The following RALYL variants were observed in gnomAD, a reference collection of about 807,000 sequenced individuals.
The protein encoded by RALYL is RALY RNA binding protein like, also known as RNA-binding Raly-like protein.
Under a neutral mutation model 35.1 loss-of-function variants are expected in RALYL, and 29 were observed. That is an observed-to-expected ratio of 0.83 (90% CI 0.61 to 1.13). The LOEUF is 1.13. RALYL is among the 50% of genes most tolerant of loss of function. The pLI is 0.00. For synonymous variants in RALYL, 120 were observed against 127.6 expected, an observed-to-expected ratio of 0.94 and a Z score of 0.40; for missense variants, 359 against 360.4, an observed-to-expected ratio of 1.00 and a Z score of 0.03.
At chr8:84,889,269 A>G (rs943264916) in intron 8 of RALYL, among the ~76,000 whole-genome samples, 1 of 152,052 alleles carries the variant, frequency 6.6e-6, no homozygotes, top group South Asian at 2.1e-4. Context: ...GATTTCTTCA[A>G]CTCATTCTAA....
chr8:84,440,005 G>T (rs1474486557), intron 1 of RALYL, among the ~76,000 whole-genome samples: 1 of 152,026 alleles, frequency 6.6e-6, no homozygotes, highest in Non-Finnish European at 1.5e-5. Flanking sequence ...AGTCAGAATT[G>T]TAGTATAATA....
chr8:84,669,791 A>T (rs954501776), intron 2 of RALYL, among the ~76,000 whole-genome samples: 1 of 152,236 alleles, frequency 6.6e-6, no homozygotes. Context: ...CCTGCCCTAG[A>T]TTCATACCAT....
intron 2 of RALYL, among the ~76,000 whole-genome samples, chr8:84,615,171 T>C (rs1257634947): frequency 1.3e-5 from 2 of 151,780 alleles, no homozygotes; most frequent in Non-Finnish European, 2.9e-5. Flanking sequence ...CGGAAATATT[T>C]CTAAAATGAA....
intron 2 of RALYL, among the ~76,000 whole-genome samples, chr8:84,547,048 G>A (rs2060407853): frequency 2.0e-5 from 3 of 152,020 alleles, no homozygotes; most frequent in African/African-American, 7.3e-5. Context: ...GTGGGTTGCT[G>A]CACCCATTAA....
intron 2 of RALYL, among the ~76,000 whole-genome samples, chr8:84,538,740 G>T (rs1319320640): frequency 6.6e-6 from 1 of 152,044 alleles, no homozygotes; most frequent in Non-Finnish European, 1.5e-5. Flanking sequence ...TACCATAAAA[G>T]GATGAAGTAT....
intron 2 of RALYL, among the ~76,000 whole-genome samples, chr8:84,557,082 T>G (rs1263024215): frequency 6.6e-6 from 1 of 152,206 alleles, no homozygotes; most frequent in Non-Finnish European, 1.5e-5. Flanking sequence ...TGTCACAGTT[T>G]TCTTCTACTG....
At chr8:84,629,875 A>G (rs1420618651) in intron 2 of RALYL, among the ~76,000 whole-genome samples, 1 of 152,164 alleles carries the variant, frequency 6.6e-6, no homozygotes, top group East Asian at 1.9e-4. Context: ...TCTAAGAGAA[A>G]CTTTACTCCA....
intron 1 of RALYL, among the ~76,000 whole-genome samples, chr8:84,467,710 G>A (rs1477799162): frequency 4.6e-5 from 7 of 151,470 alleles, no homozygotes; most frequent in Non-Finnish European, 1.0e-4. Context: ...TTGACTTTCT[G>A]TCTCGTTGAT....
intron 4 of RALYL, among the ~76,000 whole-genome samples, chr8:84,807,817 T>C (rs987456253): frequency 6.6e-6 from 1 of 152,238 alleles, no homozygotes; most frequent in African/African-American, 2.4e-5. Flanking sequence ...ATATCTTCAT[T>C]TGAGTACTAT....
intron 2 of RALYL, among the ~76,000 whole-genome samples, chr8:84,566,729 A>G (rs1220437655): frequency 6.6e-6 from 1 of 151,680 alleles, no homozygotes; most frequent in Non-Finnish European, 1.5e-5. Context: ...TTACTGGATA[A>G]TATACTATTT....
chr8:84,870,309 TGTGCAGTG>T (rs1839967360), intron 6 of RALYL, among the ~76,000 whole-genome samples: 1 of 150,984 alleles, frequency 6.6e-6, no homozygotes, highest in Admixed American at 6.6e-5. Flanking sequence ...CCCAGGCTGG[TGTGCAGTG>T]GTGCGATCTT....
In RALYL at chr8:84,892,674, A is replaced by G. The variant is rs536594505; in HGVS notation, c.858+4898A>G. Reference sequence around the variant, plus strand: ...TATGTAACAAACCTGCACGTTGTGCACATGTACCCTAAAACTTAAAGTATA... The same window carrying G: ...TATGTAACAAACCTGCACGTTGTGCGCATGTACCCTAAAACTTAAAGTATA... On this transcript the variant is annotated intron_variant, in intron 8 of 8. Transcript: ENST00000521268. Among the ~76,000 whole-genome samples, 93 of 151,998 alleles carry G rather than the reference A, an allele frequency of 6.1e-4. 1 individual carries two copies. The South Asian group carries it at 0.018, about 30-fold the overall frequency.
intron 1 of RALYL, among the ~76,000 whole-genome samples, chr8:84,410,815 T>C (rs1374509736): frequency 6.6e-6 from 1 of 151,694 alleles, no homozygotes; most frequent in Non-Finnish European, 1.5e-5. Context: ...CAAATTTAAG[T>C]TGGAATTTTA....
rs1040135221 is a variant in RALYL, at chr8:84,655,618, G to A, written c.257-118961G>A. Among the ~76,000 whole-genome samples, 5 of 152,110 alleles carry A rather than the reference G, an allele frequency of 3.3e-5. No individual in the cohort carries two copies. In the East Asian group the frequency reaches 7.7e-4, roughly 24 times the overall value. On this transcript the variant is annotated intron_variant, in intron 2 of 8. Coordinates refer to ENST00000521268, the MANE Select transcript of RALYL (RefSeq NM_173848.7). ...TGCCAGAATTACAGACATGCACCACGGCCAAGGATTATTAGATTTTTTTTT... is the reference window on the plus strand; with the variant it reads ...TGCCAGAATTACAGACATGCACCACAGCCAAGGATTATTAGATTTTTTTTT...
chr8:84,593,119 C>A (rs1276477993), intron 2 of RALYL, among the ~76,000 whole-genome samples: 1 of 152,038 alleles, frequency 6.6e-6, no homozygotes, highest in Non-Finnish European at 1.5e-5. Flanking sequence ...TCTTTTTAAT[C>A]TTTGTATATG....
At chr8:84,519,215 A>G (rs892069009) in intron 1 of RALYL, among the ~76,000 whole-genome samples, 2 of 152,200 alleles carry the variant, frequency 1.3e-5, no homozygotes, top group Admixed American at 1.3e-4. Context: ...GTTATATGTC[A>G]TATACTCTAT....
At chr8:84,822,259 GC>G (rs1236932886) in intron 4 of RALYL, among the ~76,000 whole-genome samples, 2 of 152,152 alleles carry the variant, frequency 1.3e-5, no homozygotes, top group East Asian at 3.8e-4. Context: ...TAAATCATGG[GC>G]CTTTGATTAT....
intron 1 of RALYL, among the ~76,000 whole-genome samples, chr8:84,329,940 C>T (rs1846506145): frequency 6.6e-6 from 1 of 151,960 alleles, no homozygotes. Context: ...TCAAGACTTA[C>T]TTTAAAAGCA....
At chr8:84,389,397 G>C (rs551529341) in intron 1 of RALYL, among the ~76,000 whole-genome samples, 6 of 152,108 alleles carry the variant, frequency 3.9e-5, no homozygotes, top group African/African-American at 1.4e-4. Flanking sequence ...TTGGTAGCTT[G>C]ATGGATATGG....
Sources: allele counts gnomAD v4.1 joint callset (sites outside exome capture counted in the v4.1 genomes callset), GRCh38; gene constraint gnomAD v4.1.1; transcripts MANE v1.5; gene names NCBI Gene and HGNC (gene_info 2026-07-23, HGNC 2026-07-21).